Variants in GRIA4 observed in about 807,000 individuals in gnomAD.
GRIA4 encodes the protein glutamate receptor 4.
A neutral mutation model predicts 104.0 loss-of-function variants in GRIA4; 34 were observed. The observed-to-expected ratio is 0.33, with a 90% CI of 0.25 to 0.44. GRIA4 has a LOEUF of 0.44. Among genes scored for constraint, GRIA4 ranks in the 20% least tolerant of loss-of-function variants. The pLI, the probability that GRIA4 is intolerant of heterozygous loss-of-function variation, is 1.00. For missense variants in GRIA4, 750 were observed against 1,096.5 expected, an observed-to-expected ratio of 0.68 and a Z score of 4.46; for synonymous variants, 386 against 381.9, an observed-to-expected ratio of 1.01 and a Z score of -0.13.
At chr11:105,728,293 G>A (rs1459433279) in intron 3 of GRIA4, among the ~76,000 whole-genome samples, 1 of 152,152 alleles carries the variant, frequency 6.6e-6, no homozygotes, top group East Asian at 1.9e-4. Flanking sequence ...TTACATAATG[G>A]TAAAGGGATC....
intron 14 of GRIA4, among the ~76,000 whole-genome samples, chr11:105,968,095 C>T (rs1420351290): frequency 6.6e-6 from 1 of 152,188 alleles, no homozygotes; most frequent in Non-Finnish European, 1.5e-5. Context: ...ACAGAGAGAA[C>T]TCAGCACACA....
intron 4 of GRIA4, among the ~76,000 whole-genome samples, chr11:105,794,543 C>A (rs1402605569): frequency 3.8e-5 from 5 of 131,550 alleles, no homozygotes; most frequent in Non-Finnish European, 8.1e-5. Context: ...ATCTGTCTCT[C>A]TGAGATATAT....
chr11:105,968,143 G>A (rs1276753481), intron 14 of GRIA4, among the ~76,000 whole-genome samples: 2 of 152,158 alleles, frequency 1.3e-5, no homozygotes, highest in Non-Finnish European at 2.9e-5. Flanking sequence ...TTCAAATACA[G>A]AATCTTGGTA....
intron 3 of GRIA4, among the ~76,000 whole-genome samples, chr11:105,704,176 A>G (rs916785074): frequency 1.3e-5 from 2 of 152,020 alleles, no homozygotes; most frequent in Non-Finnish European, 2.9e-5. Flanking sequence ...TGCTTGTATT[A>G]GTCAACTTAA....
intron 3 of GRIA4, among the ~76,000 whole-genome samples, chr11:105,719,777 GA>G (rs111574386): frequency 1.4e-3 from 197 of 136,722 alleles, no homozygotes; most frequent in Admixed American, 1.3e-3. Context: ...CAATGATTGG[GA>G]AAAAAAAAAA....
intron 3 of GRIA4, among the ~76,000 whole-genome samples, chr11:105,743,367 C>A (rs1939441104): frequency 6.6e-6 from 1 of 152,162 alleles, no homozygotes; most frequent in Non-Finnish European, 1.5e-5. Flanking sequence ...CCTGAAAAAT[C>A]TTTCTCTATA....
intron 3 of GRIA4, among the ~76,000 whole-genome samples, chr11:105,671,455 T>A (rs2135438457): frequency 6.6e-6 from 1 of 151,752 alleles, no homozygotes; most frequent in East Asian, 2.0e-4. Context: ...GGAGGGTGAA[T>A]CACCTAGGGT....
At chr11:105,737,914 C>A (rs1939055302) in intron 3 of GRIA4, among the ~76,000 whole-genome samples, 3 of 152,054 alleles carry the variant, frequency 2.0e-5, no homozygotes, top group African/African-American at 7.2e-5. Context: ...AACAAGAATA[C>A]CTCCCTATAA....
chr11:105,657,075 T>C (rs1470661033), intron 3 of GRIA4, among the ~76,000 whole-genome samples: 1 of 152,054 alleles, frequency 6.6e-6, no homozygotes, highest in African/African-American at 2.4e-5. Context: ...GTTCAGTTTT[T>C]AAATCTTTCA....
At position 105,781,376 on chromosome 11, in the gene GRIA4, T is replaced by C. The variant is rs571717505; in HGVS notation, c.487+28156T>C. 2.6e-5 allele frequency among the ~76,000 whole-genome samples: 4 copies of C among 152,294 alleles called. No homozygotes were observed. The South Asian group carries it at 8.3e-4, about 32-fold the overall frequency. On this transcript the variant is annotated intron_variant, in intron 4 of 16. Coordinates refer to ENST00000282499, the MANE Select transcript of GRIA4 (RefSeq NM_000829.4). ...AGAAGCATCTTATCTGTGGATGTCC[T>C]AGTTGTTTTACTGCCTTTATTTATT...
chr11:105,833,127 G>A (rs895969250), intron 4 of GRIA4, among the ~76,000 whole-genome samples: 26 of 151,772 alleles, frequency 1.7e-4, no homozygotes, highest in African/African-American at 5.8e-4. Flanking sequence ...ACTTCTTCAC[G>A]CTGTATTTCT....
intron 4 of GRIA4, among the ~76,000 whole-genome samples, chr11:105,779,125 T>C (rs566627314): frequency 6.6e-6 from 1 of 151,890 alleles, no homozygotes; most frequent in African/African-American, 2.4e-5. Flanking sequence ...TCATCAGTTT[T>C]TATGGCTGCA....
At chr11:105,847,894 T>A (rs1003379414) in intron 4 of GRIA4, among the ~76,000 whole-genome samples, 1 of 152,194 alleles carries the variant, frequency 6.6e-6, no homozygotes, top group Non-Finnish European at 1.5e-5. Flanking sequence ...GTTCTGGACT[T>A]TGTAACTATC....
intron 3 of GRIA4, among the ~76,000 whole-genome samples, chr11:105,672,968 T>C (rs1244832760): frequency 2.0e-5 from 3 of 152,100 alleles, no homozygotes; most frequent in African/African-American, 7.2e-5. Context: ...GATAGCCAAA[T>C]TGAACTTTCG....
At chr11:105,662,067 T>C (rs1952029940) in intron 3 of GRIA4, among the ~76,000 whole-genome samples, 1 of 151,340 alleles carries the variant, frequency 6.6e-6, no homozygotes, top group South Asian at 2.1e-4. Context: ...CAACAGAAGT[T>C]GGCACAGTAA....
At chr11:105,718,637 C>T (rs963352358) in intron 3 of GRIA4, among the ~76,000 whole-genome samples, 3 of 152,148 alleles carry the variant, frequency 2.0e-5, no homozygotes, top group African/African-American at 4.8e-5. Flanking sequence ...GGAACAATTA[C>T]CTAACACATG....
At chr11:105,677,160 A>G (rs937616444) in intron 3 of GRIA4, among the ~76,000 whole-genome samples, 1 of 151,826 alleles carries the variant, frequency 6.6e-6, no homozygotes, top group African/African-American at 2.4e-5. Flanking sequence ...TCCATTTTTT[A>G]AAATTTTTAT....
chr11:105,661,639 GA>G (rs959301532), intron 3 of GRIA4, among the ~76,000 whole-genome samples: 10 of 151,064 alleles, frequency 6.6e-5, no homozygotes, highest in African/African-American at 2.4e-4. Context: ...ATAAATTGAT[GA>G]AAAAAATTAC....
At chr11:105,764,796 GA>G (rs149319182) in intron 4 of GRIA4, among the ~76,000 whole-genome samples, 23,737 of 146,672 alleles carry the variant, frequency 0.16, 2,151 homozygotes, top group African/African-American at 0.24. Context: ...AAATAAACAG[GA>G]AAAAAAAAAG....
Sources: gnomAD v4.1 joint callset for allele counts (sites outside exome capture counted in the v4.1 genomes callset) on GRCh38, gnomAD v4.1.1 for gene constraint, MANE v1.5 for transcripts, NCBI Gene and HGNC (gene_info 2026-07-23, HGNC 2026-07-21) for gene names.